CACNA2D3: variants seen among roughly 807,000 people sequenced by gnomAD.
CACNA2D3 encodes calcium voltage-gated channel auxiliary subunit alpha2delta 3.
In CACNA2D3, 60 loss-of-function variants were observed where a neutral mutation model predicts 160.6. The ratio of observed to expected loss-of-function variants is 0.37; its 90% CI spans 0.30 to 0.46. The LOEUF (loss-of-function observed/expected upper bound fraction) is 0.46. Among genes scored for constraint, CACNA2D3 ranks in the 20% least tolerant of loss-of-function variants. The probability of loss-of-function intolerance (pLI) is 1.00; values close to 1 mark genes in which losing one functional copy is unlikely to be tolerated. For missense variants in CACNA2D3, 1,205 were observed against 1,365.0 expected (o/e 0.88, Z 1.85); for synonymous variants, 558 against 492.9 (o/e 1.13, Z -1.75).
At chr3:54,498,919 A>G (rs1204551505) in intron 4 of CACNA2D3, among the ~76,000 whole-genome samples, 2 of 152,106 alleles carry the variant, frequency 1.3e-5, no homozygotes, top group African/African-American at 4.8e-5. Context: ...CTAGATATCA[A>G]TGATATTTTT....
chr3:54,819,064 C>T (rs1703526663), intron 14 of CACNA2D3, among the ~76,000 whole-genome samples: 1 of 151,862 alleles, frequency 6.6e-6, no homozygotes, highest in Non-Finnish European at 1.5e-5. Context: ...CTTCCCATCC[C>T]TTCCCCAGTA....
At chr3:54,472,215 C>T (rs1700745929) in intron 4 of CACNA2D3, among the ~76,000 whole-genome samples, 1 of 152,226 alleles carries the variant, frequency 6.6e-6, no homozygotes, top group Admixed American at 6.5e-5. Flanking sequence ...AAGTTGGCTT[C>T]ATCCCTGGGA....
At position 54,529,436 on chromosome 3, in the gene CACNA2D3, C is replaced by T. The variant is rs112973381; in HGVS notation, c.544+25782C>T. Reference sequence around the variant, plus strand: ...GGACTAGGAGACACTGTGCTACAGCCATTAAGAATCCAGCTTTGAAGCCCC... The same window carrying T: ...GGACTAGGAGACACTGTGCTACAGCTATTAAGAATCCAGCTTTGAAGCCCC... On this transcript the variant is annotated intron_variant, in intron 5 of 37. Coordinates refer to ENST00000474759, the MANE Select transcript of CACNA2D3 (RefSeq NM_018398.3). 8.5e-3 allele frequency among the ~76,000 whole-genome samples: 1,300 copies of T among 152,284 alleles called. 13 individuals are homozygous for T. Among genetic ancestry groups the T allele is most frequent in the African/African-American group, 0.028 (1,180 of 41,550 alleles).
chr3:54,337,919 A>G lies in CACNA2D3; in HGVS notation c.321+17361A>G, dbSNP rs1423477276. Among the ~76,000 whole-genome samples, 5 of 152,154 alleles carry G rather than the reference A, an allele frequency of 3.3e-5. No individual in the cohort carries two copies. The East Asian group carries it at 5.8e-4, about 18-fold the overall frequency. On this transcript the variant is annotated intron_variant, in intron 3 of 37. Coordinates refer to ENST00000474759, the MANE Select transcript of CACNA2D3 (RefSeq NM_018398.3). Reference sequence around the variant, plus strand: ...ATTGTCCACAGGGGTAGATCAAGCCATGGACACCCCTTTTTGGTTATTAAG... The same window carrying G: ...ATTGTCCACAGGGGTAGATCAAGCCGTGGACACCCCTTTTTGGTTATTAAG...
intron 35 of CACNA2D3, among the ~76,000 whole-genome samples, chr3:55,046,138 ATGTGCACAT>A (rs1308645546): frequency 6.7e-6 from 1 of 150,116 alleles, no homozygotes; most frequent in Non-Finnish European, 1.5e-5. Flanking sequence ...TTTAGGGCAC[ATGTGCACAT>A]TGTGCAGGTT....
chr3:54,533,224 G>A (rs965318500), intron 5 of CACNA2D3, among the ~76,000 whole-genome samples: 3 of 152,044 alleles, frequency 2.0e-5, no homozygotes, highest in Non-Finnish European at 4.4e-5. Context: ...AGAAATTGGT[G>A]GTGGAATGAT....
rs5849051 is a variant in CACNA2D3 at position 54,677,620 on chromosome 3, T to TGG, written c.1167+35388_1167+35389dup. 8.9e-4 allele frequency among the ~76,000 whole-genome samples: 128 copies of TGG among 143,462 alleles called. 1 individual carries two copies. Among genetic ancestry groups the TGG allele is most frequent in the African/African-American group, 3.2e-3 (121 of 38,180 alleles). The allele number at this position is 143,462 out of a possible 152,430, so 94.1% of individuals were successfully genotyped here. On this transcript the variant is annotated intron_variant, in intron 11 of 37. Transcript: ENST00000474759. ...ATTTGAATAGTTTTTGTTTTTTTTTTGGGGGGGGGGCAACGTACTTACTCG... is the reference window on the plus strand; with the variant it reads ...ATTTGAATAGTTTTTGTTTTTTTTTTGGGGGGGGGGGGCAACGTACTTACTCG...
chr3:54,836,238 T>C (rs12631238), intron 14 of CACNA2D3, among the ~76,000 whole-genome samples: 2 of 140,762 alleles, frequency 1.4e-5, no homozygotes, highest in Non-Finnish European at 3.1e-5. Context: ...TTTTTTTTTT[T>C]TTTGTTTTTG....
At chr3:54,739,702 G>C (rs553415059) in intron 11 of CACNA2D3, among the ~76,000 whole-genome samples, 2 of 151,558 alleles carry the variant, frequency 1.3e-5, no homozygotes, top group Non-Finnish European at 2.9e-5. Context: ...TTTGTGGGGA[G>C]GGTGCAGTAG....
intron 2 of CACNA2D3, among the ~76,000 whole-genome samples, chr3:54,215,869 G>GTTTTCTTTTC (rs751000772): frequency 7.2e-6 from 1 of 139,732 alleles, no homozygotes; most frequent in African/African-American, 2.5e-5. Flanking sequence ...TGAGCTTACT[G>GTTTTCTTTTC]TTTTCTTTTC....
At chr3:54,414,482 C>A (rs909932701) in intron 4 of CACNA2D3, among the ~76,000 whole-genome samples, 3 of 152,044 alleles carry the variant, frequency 2.0e-5, no homozygotes, top group Non-Finnish European at 4.4e-5. Flanking sequence ...GGAGAAAATA[C>A]CATTATTTGC....
chr3:54,784,466 G>A (rs1394179212), intron 13 of CACNA2D3, among the ~76,000 whole-genome samples: 1 of 151,882 alleles, frequency 6.6e-6, no homozygotes, highest in East Asian at 1.9e-4. Flanking sequence ...ACCGAACTCT[G>A]TTTTGCTCCC....
At chr3:54,856,849 C>A (rs527416876) in intron 17 of CACNA2D3, among the ~76,000 whole-genome samples, 2 of 152,140 alleles carry the variant, frequency 1.3e-5, no homozygotes, top group African/African-American at 4.8e-5. Flanking sequence ...GGCACAATCT[C>A]GGCTCACTGC....
chr3:54,302,969 T>A (rs949019333), intron 2 of CACNA2D3, among the ~76,000 whole-genome samples: 1 of 151,994 alleles, frequency 6.6e-6, no homozygotes, highest in African/African-American at 2.4e-5. Context: ...ACATGACATT[T>A]TCCATGCCTG....
At chr3:55,000,590 A>G (rs1274956940) in intron 31 of CACNA2D3, among the ~76,000 whole-genome samples, 1 of 152,210 alleles carries the variant, frequency 6.6e-6, no homozygotes, top group Non-Finnish European at 1.5e-5. Context: ...ATAAATAAAT[A>G]AAAGGAACCT....
intron 4 of CACNA2D3, among the ~76,000 whole-genome samples, chr3:54,464,006 G>A (rs1341488189): frequency 6.6e-6 from 1 of 152,232 alleles, no homozygotes; most frequent in Non-Finnish European, 1.5e-5. Flanking sequence ...ACCCTCAGCT[G>A]CAGGTCTGTT....
chr3:54,971,281 A>G (rs1486701865), intron 29 of CACNA2D3, among the ~76,000 whole-genome samples: 3 of 152,218 alleles, frequency 2.0e-5, no homozygotes, highest in African/African-American at 4.8e-5. Context: ...AGTGGGCCTC[A>G]AGCCTCTCCC....
At position 54,642,142 on chromosome 3, in the gene CACNA2D3, A is replaced by T. The variant is rs1559536460; in HGVS notation, c.1068A>T (p.Gly356=). The T allele has an allele frequency of 6.2e-7, 1 of 1,611,922 alleles. No homozygotes were observed. The highest frequency in any genetic ancestry group is 8.5e-7 in the Non-Finnish European group (1 of 1,178,632). Residue 356 remains glycine, a synonymous_variant, in exon 11 of 38, where the codon GGA becomes GGT. Transcript: ENST00000474759. ...FNILSDFNHT[G]QGSICSQAIM... ...TCTTTCCCTAGTTCAACCACACGGG[A>T]CAAGGAAGTATCTGCAGTCAGGCCA...
chr3:54,165,161 G>A (rs549771642), intron 2 of CACNA2D3, among the ~76,000 whole-genome samples: 2 of 126,892 alleles, frequency 1.6e-5, no homozygotes, highest in African/African-American at 3.0e-5. Flanking sequence ...GAACAAGATC[G>A]GTCTTTTTTG....
Sources: gnomAD v4.1 joint callset for allele counts (sites outside exome capture counted in the v4.1 genomes callset) on GRCh38, gnomAD v4.1.1 for gene constraint, MANE v1.5 for transcripts, NCBI Gene and HGNC (gene_info 2026-07-23, HGNC 2026-07-21) for gene names.